CACNA2D1: variants seen among roughly 807,000 people sequenced by gnomAD.
CACNA2D1 encodes calcium voltage-gated channel auxiliary subunit alpha2delta 1.
A neutral mutation model predicts 171.5 loss-of-function variants in CACNA2D1; 53 were observed. The ratio of observed to expected loss-of-function variants is 0.31; its 90% CI spans 0.25 to 0.39. The LOEUF (loss-of-function observed/expected upper bound fraction) is 0.39, where lower values mean the gene tolerates loss of function less well. Ranked by LOEUF, CACNA2D1 falls within the 10% of genes least tolerant of loss-of-function variation. The pLI, the probability that CACNA2D1 is intolerant of heterozygous loss-of-function variation, is 1.00. For synonymous variants in CACNA2D1, 442 were observed against 443.1 expected (o/e 1.00, Z 0.03); for missense variants, 903 against 1,299.8 (o/e 0.69, Z 4.69).
intron 28 of CACNA2D1, among the ~76,000 whole-genome samples, chr7:81,969,376 G>T (rs1005545923): frequency 1.3e-5 from 2 of 151,330 alleles, no homozygotes; most frequent in Non-Finnish European, 3.0e-5. Flanking sequence ...GAAATTCTCT[G>T]AACTTGTTTC....
At chr7:82,126,889 A>C (rs1337121914) in intron 5 of CACNA2D1, among the ~76,000 whole-genome samples, 2 of 152,190 alleles carry the variant, frequency 1.3e-5, no homozygotes, top group Non-Finnish European at 2.9e-5. Flanking sequence ...CTTCCCTGGC[A>C]ATATTCTTTG....
intron 1 of CACNA2D1, among the ~76,000 whole-genome samples, chr7:82,401,258 T>C (rs1279186152): frequency 6.6e-6 from 1 of 152,174 alleles, no homozygotes; most frequent in Non-Finnish European, 1.5e-5. Flanking sequence ...CATGTACACG[T>C]ATGTTTATTG....
intron 3 of CACNA2D1, among the ~76,000 whole-genome samples, chr7:82,261,332 C>A (rs1308030938): frequency 6.6e-6 from 1 of 152,154 alleles, no homozygotes; most frequent in Admixed American, 6.5e-5. Context: ...TGTGTTATAG[C>A]CTTTCCTCTC....
intron 3 of CACNA2D1, among the ~76,000 whole-genome samples, chr7:82,313,178 A>T (rs1219540045): frequency 6.6e-6 from 1 of 152,136 alleles, no homozygotes; most frequent in Non-Finnish European, 1.5e-5. Context: ...TCTATCTCAC[A>T]ATCTCCAACC....
In CACNA2D1 at chr7:82,113,806, C is replaced by T. The variant is rs185882870; in HGVS notation, c.526+3238G>A. Among the ~76,000 whole-genome samples the T allele has an allele frequency of 1.5e-3, 234 of 152,214 alleles. 3 individuals are homozygous for T. Among genetic ancestry groups the T allele is most frequent in the East Asian group, 0.015 (77 of 5,182 alleles). ...TCTTGTGGACATTTCTGATTTCATT[C>T]CTGTCATTTATTCATGCAGCTTATA... is the stretch of plus-strand genomic sequence containing the variant. On this transcript the variant is annotated intron_variant, in intron 6 of 38. Transcript: ENST00000356860.
At chr7:81,964,389 T>G in intron 32 of CACNA2D1, 30 bp from the exon 33 acceptor site, 1 of 1,599,710 alleles carries the variant, frequency 6.3e-7, no homozygotes, top group Non-Finnish European at 8.5e-7. Flanking sequence ...TAAAGCAACG[T>G]GCACTTAAAA....
At chr7:82,421,795 G>A (rs996381422) in intron 1 of CACNA2D1, among the ~76,000 whole-genome samples, 2 of 152,016 alleles carry the variant, frequency 1.3e-5, no homozygotes, top group African/African-American at 4.8e-5. Flanking sequence ...GGATGGTCAG[G>A]GAAGATAAAG....
chr7:82,018,926 A>T (rs1218978024), intron 12 of CACNA2D1, among the ~76,000 whole-genome samples: 2 of 129,704 alleles, frequency 1.5e-5, no homozygotes, highest in Non-Finnish European at 3.2e-5. Flanking sequence ...TGGAGGTTGC[A>T]GTGAGCCTAG....
At chr7:82,048,548 A>C (rs796393259) in intron 10 of CACNA2D1, among the ~76,000 whole-genome samples, 4 of 152,258 alleles carry the variant, frequency 2.6e-5, no homozygotes, top group African/African-American at 9.6e-5. Flanking sequence ...CGAAATTCTC[A>C]AAATGCTTTT....
At chr7:82,092,853 C>A (rs1420738785) in intron 6 of CACNA2D1, among the ~76,000 whole-genome samples, 1 of 151,770 alleles carries the variant, frequency 6.6e-6, no homozygotes, top group Non-Finnish European at 1.5e-5. Context: ...AAAGATCTTT[C>A]ATTTAGACCT....
At chr7:82,387,595 CAGTACCATGAAA>C (rs1824555165) in intron 1 of CACNA2D1, among the ~76,000 whole-genome samples, 1 of 115,616 alleles carries the variant, frequency 8.6e-6, no homozygotes, top group Non-Finnish European at 2.1e-5. Flanking sequence ...TAACAATGAA[CAGTACCATGAAA>C]ACACCCGATT....
intron 1 of CACNA2D1, among the ~76,000 whole-genome samples, chr7:82,393,659 T>A (rs1825444481): frequency 6.6e-6 from 1 of 152,152 alleles, no homozygotes; most frequent in Non-Finnish European, 1.5e-5. Flanking sequence ...GTGACTAAGC[T>A]CTCGGGTGTG....
chr7:82,239,570 G>A (rs1023849053), intron 3 of CACNA2D1, among the ~76,000 whole-genome samples: 25 of 152,096 alleles, frequency 1.6e-4, no homozygotes, highest in Admixed American at 1.3e-3. Flanking sequence ...AGCACTTTGC[G>A]CTTCAAAGCT....
chr7:82,216,798 C>T (rs1801142094), intron 3 of CACNA2D1, among the ~76,000 whole-genome samples: 1 of 147,964 alleles, frequency 6.8e-6, no homozygotes, highest in Non-Finnish European at 1.5e-5. Context: ...AAGAAACATC[C>T]ATAAATTTTT....
chr7:82,184,858 A>T (rs1349842982), intron 3 of CACNA2D1, among the ~76,000 whole-genome samples: 1 of 152,174 alleles, frequency 6.6e-6, no homozygotes, highest in Admixed American at 6.5e-5. Context: ...ATATATTTTC[A>T]CTACTTACTC....
At chr7:81,989,715 C>T (rs11973475) in intron 21 of CACNA2D1, among the ~76,000 whole-genome samples, 39,360 of 152,064 alleles carry the variant, frequency 0.26, 5,214 homozygotes, top group Middle Eastern at 0.47. Context: ...TGTGGTGTGG[C>T]TAATAATTTG....
intron 6 of CACNA2D1, among the ~76,000 whole-genome samples, chr7:82,108,291 C>T (rs1421105289): frequency 6.6e-6 from 1 of 152,100 alleles, no homozygotes; most frequent in Admixed American, 6.6e-5. Flanking sequence ...TTAGTGTGTA[C>T]TATGAACCTC....
At chr7:82,187,118 A>G (rs1797861983) in intron 3 of CACNA2D1, among the ~76,000 whole-genome samples, 1 of 152,168 alleles carries the variant, frequency 6.6e-6, no homozygotes, top group Non-Finnish European at 1.5e-5. Context: ...CTTTTTAACA[A>G]ATATCAGTCA....
At chr7:82,040,634 G>A (rs940730597) in intron 10 of CACNA2D1, among the ~76,000 whole-genome samples, 7 of 152,034 alleles carry the variant, frequency 4.6e-5, no homozygotes, top group African/African-American at 1.7e-4. Context: ...AGAAAAATGT[G>A]TCAAAAGGAA....
Sources: allele counts gnomAD v4.1 joint callset (sites outside exome capture counted in the v4.1 genomes callset), GRCh38; gene constraint gnomAD v4.1.1; transcripts MANE v1.5; gene names NCBI Gene and HGNC (gene_info 2026-07-23, HGNC 2026-07-21).